The following AUTS2 variants were observed in gnomAD, a reference collection of about 807,000 sequenced individuals.
The protein encoded by AUTS2 is autism susceptibility gene 2 protein.
Under a neutral mutation model 112.4 loss-of-function variants are expected in AUTS2, and 17 were observed. The ratio of observed to expected loss-of-function variants is 0.15; its 90% CI spans 0.10 to 0.23. The LOEUF (loss-of-function observed/expected upper bound fraction) is 0.23. Ranked by LOEUF, AUTS2 falls within the 10% of genes least tolerant of loss-of-function variation. The pLI, the probability that AUTS2 is intolerant of heterozygous loss-of-function variation, is 1.00. For missense variants in AUTS2, 1,510 were observed against 1,701.6 expected (o/e 0.89, Z 1.98); for synonymous variants, 751 against 702.7 (o/e 1.07, Z -1.09).
At chr7:69,806,070 T>G (rs926059014) in intron 1 of AUTS2, among the ~76,000 whole-genome samples, 2 of 151,752 alleles carry the variant, frequency 1.3e-5, no homozygotes, top group African/African-American at 4.9e-5. Context: ...TGGCTAATTT[T>G]GTAACTTTTG....
At chr7:69,759,920 C>T (rs1192442854) in intron 1 of AUTS2, among the ~76,000 whole-genome samples, 2 of 151,440 alleles carry the variant, frequency 1.3e-5, no homozygotes, top group East Asian at 3.9e-4. Flanking sequence ...AGATCCCGTA[C>T]AAATAGAGGC....
chr7:70,205,482 A>G (rs1810526798), intron 4 of AUTS2, among the ~76,000 whole-genome samples: 1 of 152,084 alleles, frequency 6.6e-6, no homozygotes, highest in South Asian at 2.1e-4. Flanking sequence ...ATAATAACAT[A>G]TTTTTACAGT....
chr7:69,919,895 G>C (rs1464891110), intron 2 of AUTS2, among the ~76,000 whole-genome samples: 1 of 152,086 alleles, frequency 6.6e-6, no homozygotes, highest in Non-Finnish European at 1.5e-5. Flanking sequence ...TCTGCTTTGT[G>C]GTAATGACTC....
intron 6 of AUTS2, among the ~76,000 whole-genome samples, chr7:70,711,541 G>A (rs1013361399): frequency 6.6e-6 from 1 of 152,192 alleles, no homozygotes; most frequent in Non-Finnish European, 1.5e-5. Flanking sequence ...TGGGCGCCGA[G>A]CAGCTGCCAT....
At chr7:69,703,347 T>C (rs1489506079) in intron 1 of AUTS2, among the ~76,000 whole-genome samples, 1 of 152,206 alleles carries the variant, frequency 6.6e-6, no homozygotes, top group Non-Finnish European at 1.5e-5. Flanking sequence ...GGCAGAGCTA[T>C]TAAGATGACT....
intron 6 of AUTS2, among the ~76,000 whole-genome samples, chr7:70,713,615 C>T (rs964387592): frequency 2.0e-5 from 3 of 152,160 alleles, no homozygotes; most frequent in African/African-American, 7.2e-5. Context: ...AGCTTGCCGG[C>T]CGGGCGTGGT....
At chr7:70,524,470 T>C (rs1799762668) in intron 5 of AUTS2, among the ~76,000 whole-genome samples, 1 of 152,216 alleles carries the variant, frequency 6.6e-6, no homozygotes. Flanking sequence ...AATTAGGACC[T>C]ACATGCCTAC....
At chr7:70,645,486 T>G (rs1806108698) in intron 5 of AUTS2, among the ~76,000 whole-genome samples, 1 of 151,972 alleles carries the variant, frequency 6.6e-6, no homozygotes, top group African/African-American at 2.4e-5. Flanking sequence ...TTAATAACTC[T>G]CCCTCCAGAG....
At chr7:69,897,692 G>A (rs1217357182) in intron 1 of AUTS2, among the ~76,000 whole-genome samples, 1 of 152,150 alleles carries the variant, frequency 6.6e-6, no homozygotes, top group Non-Finnish European at 1.5e-5. Flanking sequence ...GGGAGGCGGA[G>A]GTTACAGTGA....
In AUTS2 at chr7:70,566,734, T is replaced by C. The variant is rs539234339; in HGVS notation, c.690+130953T>C. 1.2e-4 allele frequency among the ~76,000 whole-genome samples: 18 copies of C among 152,310 alleles called. No individual in the cohort carries two copies. The East Asian group carries it at 3.3e-3, about 28-fold the overall frequency. On this transcript the variant is annotated intron_variant, in intron 5 of 18. Coordinates refer to ENST00000342771, the MANE Select transcript of AUTS2 (RefSeq NM_015570.4). ...TCCTCCAGTGAAGCCAGAAGGATAT[T>C]CTTGAGGAGAAAAAAAGAATGCATG...
chr7:69,900,721 A>G (rs1794935239), intron 2 of AUTS2, among the ~76,000 whole-genome samples: 1 of 152,202 alleles, frequency 6.6e-6, no homozygotes, highest in Admixed American at 6.5e-5. Flanking sequence ...AGTGAAGCAT[A>G]TAATCCTGGT....
At chr7:70,609,343 G>T (rs946580172) in intron 5 of AUTS2, among the ~76,000 whole-genome samples, 1 of 150,490 alleles carries the variant, frequency 6.6e-6, no homozygotes, top group Non-Finnish European at 1.5e-5. Flanking sequence ...ATTTCACTTG[G>T]TATAATGTTC....
intron 1 of AUTS2, among the ~76,000 whole-genome samples, chr7:69,786,401 C>T (rs555372977): frequency 6.6e-6 from 1 of 152,212 alleles, no homozygotes; most frequent in Admixed American, 6.5e-5. Context: ...CCAGTCAGCA[C>T]TCTGTAAAAT....
chr7:70,780,619 G>A (rs151206573), intron 14 of AUTS2, among the ~76,000 whole-genome samples: 1,646 of 152,150 alleles, frequency 0.011, 30 homozygotes, highest in African/African-American at 0.038. Context: ...CAGGCAGTCC[G>A]CCCGCCTTGG....
intron 5 of AUTS2, among the ~76,000 whole-genome samples, chr7:70,458,833 G>A (rs1394379626): frequency 2.0e-5 from 3 of 152,212 alleles, no homozygotes; most frequent in Non-Finnish European, 4.4e-5. Context: ...CTTGACAATT[G>A]TGCTGTGCAC....
intron 2 of AUTS2, among the ~76,000 whole-genome samples, chr7:70,042,231 T>C (rs1801280294): frequency 7.0e-6 from 1 of 143,336 alleles, no homozygotes; most frequent in African/African-American, 2.6e-5. Context: ...ACAATCTTAC[T>C]TGAACAGCAT....
At chr7:70,748,743 A>G (rs1585621582) in intron 6 of AUTS2, among the ~76,000 whole-genome samples, 1 of 152,208 alleles carries the variant, frequency 6.6e-6, no homozygotes, top group African/African-American at 2.4e-5. Context: ...CTCCATGGGT[A>G]ACACCTCATG....
intron 2 of AUTS2, among the ~76,000 whole-genome samples, chr7:70,073,419 G>A (rs1802881051): frequency 6.6e-6 from 1 of 151,112 alleles, no homozygotes; most frequent in Non-Finnish European, 1.5e-5. Context: ...GCTGTGGCAG[G>A]AGAATTACTT....
intron 6 of AUTS2, among the ~76,000 whole-genome samples, chr7:70,714,519 C>T (rs1810248880): frequency 6.6e-6 from 1 of 152,164 alleles, no homozygotes; most frequent in African/African-American, 2.4e-5. Context: ...ATCTCATCTC[C>T]ATGATTGTCC....
Sources: allele counts gnomAD v4.1 joint callset (sites outside exome capture counted in the v4.1 genomes callset), GRCh38; gene constraint gnomAD v4.1.1; transcripts MANE v1.5; gene names NCBI Gene and HGNC (gene_info 2026-07-23, HGNC 2026-07-21).